Variants in PTPRN2 observed in about 807,000 individuals in gnomAD.
The protein encoded by PTPRN2 is protein tyrosine phosphatase receptor type N2.
In PTPRN2, 74 loss-of-function variants were observed where a neutral mutation model predicts 118.8. The ratio of observed to expected loss-of-function variants is 0.62; its 90% CI spans 0.52 to 0.76. The LOEUF (loss-of-function observed/expected upper bound fraction) is 0.76. Ranked by LOEUF, PTPRN2 falls within the 30% of genes least tolerant of loss-of-function variation. PTPRN2 has a pLI of 0.00. For missense variants in PTPRN2, 1,481 were observed against 1,394.4 expected (o/e 1.06, Z -0.99); for synonymous variants, 641 against 608.0 (o/e 1.05, Z -0.80).
intron 13 of PTPRN2, among the ~76,000 whole-genome samples, chr7:157,664,038 G>A (rs767953681): frequency 6.6e-6 from 1 of 152,200 alleles, no homozygotes; most frequent in Non-Finnish European, 1.5e-5. Context: ...CTCTAAGCAA[G>A]GCTGCCAGTG....
Position 157,560,107 on chromosome 7 carries a change from C to T in PTPRN2, c.2902+8795G>A, listed in dbSNP as rs959659806. 2.6e-5 allele frequency among the ~76,000 whole-genome samples: 4 copies of T among 152,138 alleles called. No individual in the cohort carries two copies. The highest frequency in any genetic ancestry group is 6.5e-5 in the Admixed American group (1 of 15,276). On this transcript the variant is annotated intron_variant, in intron 21 of 22. Coordinates refer to ENST00000389418, the MANE Select transcript of PTPRN2 (RefSeq NM_002847.5). The surrounding 1 kb of genome is among the most constrained non-coding windows in gnomAD (Gnocchi z 6.7). ...GCATCCAATGGGCCTGAGGTGTCTG[C>T]GTGACCATGAGGAGAAGCGGAGGAC... is the stretch of plus-strand genomic sequence containing the variant.
At chr7:158,379,853 A>G (rs756623739) in intron 2 of PTPRN2, among the ~76,000 whole-genome samples, 27 of 152,192 alleles carry the variant, frequency 1.8e-4, no homozygotes, top group Non-Finnish European at 3.2e-4. Context: ...ACAATTCCAC[A>G]TGGCTGGGGG....
chr7:157,905,939 T>C (rs917474451), intron 11 of PTPRN2, among the ~76,000 whole-genome samples: 16 of 152,060 alleles, frequency 1.1e-4, no homozygotes, highest in African/African-American at 3.9e-4. Flanking sequence ...TCCCCTAGGG[T>C]AAGACCTGCA....
At chr7:158,187,104 C>G (rs911506594) in intron 5 of PTPRN2, among the ~76,000 whole-genome samples, 1 of 152,156 alleles carries the variant, frequency 6.6e-6, no homozygotes, top group African/African-American at 2.4e-5. Context: ...GAAGTCGTAA[C>G]GACACCTTGA....
At chr7:157,916,841 G>C (rs556431312) in intron 11 of PTPRN2, among the ~76,000 whole-genome samples, 3 of 137,206 alleles carry the variant, frequency 2.2e-5, no homozygotes, top group Admixed American at 2.2e-4. Flanking sequence ...CACGCACCCC[G>C]GCCACTCCAG....
chr7:157,620,804 G>C (rs1803126165), intron 15 of PTPRN2, among the ~76,000 whole-genome samples: 2 of 152,188 alleles, frequency 1.3e-5, no homozygotes, highest in Non-Finnish European at 2.9e-5. Flanking sequence ...GCTGCAGGCG[G>C]GGGGTGCCGG....
At chr7:158,341,186 T>C (rs1193102361) in intron 2 of PTPRN2, among the ~76,000 whole-genome samples, 3 of 150,620 alleles carry the variant, frequency 2.0e-5, no homozygotes, top group Admixed American at 6.6e-5. Context: ...ACCCACACTC[T>C]CACCATAAGA....
chr7:157,941,990 C>G (rs985155272), intron 11 of PTPRN2, among the ~76,000 whole-genome samples: 18 of 151,954 alleles, frequency 1.2e-4, no homozygotes, highest in African/African-American at 4.4e-4. Flanking sequence ...CCCCAGCACA[C>G]CTTCAAATAT....
rs1810216969 is a variant in PTPRN2, at chr7:157,861,286, G to T, written c.1788+37387C>A. ...ATAATGGAACCGAAGCCCTCTGTGG[G>T]GAATCCGTGGGAGGATGAGAGGCCT... is the stretch of plus-strand genomic sequence containing the variant. On this transcript the variant is annotated intron_variant, in intron 12 of 22. Coordinates refer to ENST00000389418, the MANE Select transcript of PTPRN2 (RefSeq NM_002847.5). The surrounding 1 kb of genome is among the most constrained non-coding windows in gnomAD (Gnocchi z 5.8). Among the ~76,000 whole-genome samples the T allele has an allele frequency of 6.6e-6, 1 of 152,258 alleles. No homozygotes were observed. The highest frequency in any genetic ancestry group is 2.1e-4 in the South Asian group (1 of 4,836).
At chr7:157,988,091 GA>G (rs1803947078) in intron 11 of PTPRN2, among the ~76,000 whole-genome samples, 1 of 152,328 alleles carries the variant, frequency 6.6e-6, no homozygotes, top group East Asian at 1.9e-4. Context: ...GCCTCATGCA[GA>G]CGGAGAGGAG....
At chr7:158,409,857 C>T (rs1044893916) in intron 2 of PTPRN2, among the ~76,000 whole-genome samples, 10 of 152,192 alleles carry the variant, frequency 6.6e-5, no homozygotes, top group African/African-American at 7.2e-5. Flanking sequence ...GATGTGTTGA[C>T]GTCGCCTCTC....
intron 1 of PTPRN2, among the ~76,000 whole-genome samples, chr7:158,547,770 C>A (rs1452477098): frequency 6.6e-6 from 1 of 152,230 alleles, no homozygotes; most frequent in Non-Finnish European, 1.5e-5. Context: ...CCCCACCGTA[C>A]CCCCTGTCCA....
intron 12 of PTPRN2, among the ~76,000 whole-genome samples, chr7:157,727,065 A>C (rs1476852349): frequency 2.0e-5 from 3 of 152,238 alleles, no homozygotes; most frequent in East Asian, 1.9e-4. Flanking sequence ...TAGGGAGAAC[A>C]GGGTGGCGGT....
At chr7:158,130,907 C>T (rs201379846) in intron 9 of PTPRN2, among the ~76,000 whole-genome samples, 27 of 71,378 alleles carry the variant, frequency 3.8e-4, no homozygotes, top group African/African-American at 1.2e-3. Flanking sequence ...ACACATCTAC[C>T]GACACACACA....
chr7:157,757,847 C>T (rs949930171), intron 12 of PTPRN2, among the ~76,000 whole-genome samples: 1 of 152,212 alleles, frequency 6.6e-6, no homozygotes. Flanking sequence ...TGAACTTAAC[C>T]TGGGGCCCCG....
chr7:158,070,931 CCTGGTGGTGG>C, intron 11 of PTPRN2, among the ~76,000 whole-genome samples: 1 of 105,616 alleles, frequency 9.5e-6, no homozygotes, highest in Non-Finnish European at 1.8e-5. Flanking sequence ...TGGAGGTGCT[CCTGGTGGTGG>C]AGGTGCCCGT....
chr7:157,608,873 A>G (rs10248689), intron 15 of PTPRN2, among the ~76,000 whole-genome samples: 12,291 of 152,254 alleles, frequency 0.081, 749 homozygotes, highest in East Asian at 0.19. Flanking sequence ...AGAATTCATA[A>G]CAGCCTGGGG....
intron 15 of PTPRN2, among the ~76,000 whole-genome samples, chr7:157,613,176 T>C (rs1802491284): frequency 6.6e-6 from 1 of 152,034 alleles, no homozygotes; most frequent in Non-Finnish European, 1.5e-5. Context: ...TTCCTTCAGC[T>C]CCTGAAGCGG....
intron 2 of PTPRN2, among the ~76,000 whole-genome samples, chr7:158,421,421 C>T (rs1471280729): frequency 6.6e-6 from 1 of 152,228 alleles, no homozygotes; most frequent in Non-Finnish European, 1.5e-5. Context: ...ATTATTTATG[C>T]AAAGTGCATC....
Sources: allele counts gnomAD v4.1 joint callset (sites outside exome capture counted in the v4.1 genomes callset), GRCh38; gene constraint gnomAD v4.1.1; non-coding constraint Gnocchi (gnomAD v3.1); transcripts MANE v1.5; gene names NCBI Gene and HGNC (gene_info 2026-07-23, HGNC 2026-07-21).